FANCA: variants seen among roughly 807,000 people sequenced by gnomAD.
FANCA encodes Fanconi anemia group A protein.
FANCA carries 236 observed loss-of-function variants against 194.3 expected under a neutral mutation model. That is an observed-to-expected ratio of 1.21 (90% CI 1.09 to 1.35). The LOEUF (loss-of-function observed/expected upper bound fraction) is 1.35. Among genes scored for constraint, FANCA ranks in the 40% most tolerant of loss-of-function variants. The pLI is 0.00. For synonymous variants in FANCA, 1,014 were observed against 715.8 expected (o/e 1.42, Z -6.65); for missense variants, 2,628 against 1,813.9 (o/e 1.45, Z -8.15).
chr16:89,803,757 G>C (rs1184306449), intron 7 of FANCA, among the ~76,000 whole-genome samples: 1 of 151,922 alleles, frequency 6.6e-6, no homozygotes, highest in Non-Finnish European at 1.5e-5. Context: ...CAGTAGCTGG[G>C]AATATAGGCG....
chr16:89,775,483 A>G (rs2039469264), intron 21 of FANCA, among the ~76,000 whole-genome samples: 1 of 152,222 alleles, frequency 6.6e-6, no homozygotes, highest in African/African-American at 2.4e-5. Flanking sequence ...GAAGATGACG[A>G]GTGACAAAGT....
At chr16:89,775,675 A>T in intron 21 of FANCA, 67 bp downstream of exon 21, 1 of 1,325,970 alleles carries the variant, frequency 7.5e-7, no homozygotes, top group South Asian at 1.2e-5. Flanking sequence ...GTAGCACAAC[A>T]GACACTCAAG....
intron 39 of FANCA, 70 bp from the exon 40 acceptor site, chr16:89,739,623 T>TG: frequency 6.6e-7 from 1 of 1,526,186 alleles, no homozygotes. Flanking sequence ...GGGACACCCC[T>TG]GGGGGTCGGG....
rs779745863 is a variant in FANCA, at chr16:89,779,939, G to C, written c.1645C>G (p.Gln549Glu). 5.0e-6 allele frequency: 8 copies of C among 1,614,204 alleles called. No homozygotes were observed. Among genetic ancestry groups the C allele is most frequent in the Non-Finnish European group, 6.8e-6 (8 of 1,180,042 alleles). The change falls in exon 18 of 43, where the codon CAG becomes GAG. Residue 549 changes from glutamine (Q) to glutamate (E), a missense_variant. By Grantham distance (29) the Gln-to-Glu change is conservative. Coordinates refer to ENST00000389301, the MANE Select transcript of FANCA (RefSeq NM_000135.4). Reference sequence around the variant, plus strand: ...ACCATGATGGCCTTTTCAACATCCTGAAGAGCTTGGCTGTGGGGCTGGTTC... The same window carrying C: ...ACCATGATGGCCTTTTCAACATCCTCAAGAGCTTGGCTGTGGGGCTGGTTC... Reference protein sequence around the residue: ...DITEPHSQALQDVEKAIMVFE... With the variant: ...DITEPHSQALEDVEKAIMVFE...
intron 6 of FANCA, among the ~76,000 whole-genome samples, chr16:89,807,442 GT>G (rs1193758392): frequency 6.6e-6 from 1 of 150,450 alleles, no homozygotes; most frequent in African/African-American, 2.4e-5. Context: ...GACATAGCAG[GT>G]CTCTGTCTCA....
At chr16:89,763,036 A>T (rs1363404287) in intron 28 of FANCA, among the ~76,000 whole-genome samples, 1 of 151,148 alleles carries the variant, frequency 6.6e-6, no homozygotes, top group Non-Finnish European at 1.5e-5. Flanking sequence ...TGATGAGGTC[A>T]GGAGATTGAG....
chr16:89,746,007 C>G (rs2143099493), intron 35 of FANCA, among the ~76,000 whole-genome samples: 1 of 152,288 alleles, frequency 6.6e-6, no homozygotes. Flanking sequence ...GCCCTCCTGT[C>G]CCTGATGACC....
At position 89,792,539 on chromosome 16, in the gene FANCA, C is replaced by T; in HGVS notation, c.1015G>A (p.Ala339Thr). The T allele has an allele frequency of 2.5e-6, 4 of 1,612,930 alleles. No individual in the cohort carries two copies. The highest frequency in any genetic ancestry group is 3.4e-6 in the Non-Finnish European group (4 of 1,179,776). The change falls in exon 12 of 43, where the codon GCT becomes ACT. Residue 339 changes from alanine to threonine, a missense_variant. By Grantham distance (58) the Ala-to-Thr change is moderately conservative. Coordinates refer to ENST00000389301, the MANE Select transcript of FANCA (RefSeq NM_000135.4). Reference sequence around the variant, plus strand: ...CTCCACTCTCTCTGCATCTGAACAGCATCAGATGCTGCAGGGGGAGAAACA... The same window carrying T: ...CTCCACTCTCTCTGCATCTGAACAGTATCAGATGCTGCAGGGGGAGAAACA... ...THSPVLKASD[A>T]VQMQREWSFA...
At position 89,809,008 on chromosome 16, in the gene FANCA, C is replaced by G. The variant is rs1327053641; in HGVS notation, c.523-641G>C. On this transcript the variant is annotated intron_variant, in intron 5 of 42. Coordinates refer to ENST00000389301, the MANE Select transcript of FANCA (RefSeq NM_000135.4). ...GTAAGCTCTGCCTCCCGGGTTCACG[C>G]CATTCTCCTGCCTCAGCCTCCTGAG... Among the ~76,000 whole-genome samples the G allele has an allele frequency of 2.0e-5, 3 of 152,096 alleles. No individual in the cohort carries two copies. In the East Asian group the frequency reaches 5.8e-4, roughly 30 times the overall value.
chr16:89,745,971 G>A (rs1170386485), intron 35 of FANCA, among the ~76,000 whole-genome samples: 1 of 152,186 alleles, frequency 6.6e-6, no homozygotes, highest in Non-Finnish European at 1.5e-5. Context: ...GCTCCCTGGG[G>A]AACATGCCGT....
At chr16:89,768,420 C>G (rs919707223) in intron 26 of FANCA, among the ~76,000 whole-genome samples, 2 of 152,172 alleles carry the variant, frequency 1.3e-5, no homozygotes, top group African/African-American at 4.8e-5. Flanking sequence ...GTAATCCTAA[C>G]TGAAGTGGGC....
chr16:89,795,370 T>C (rs775681566), intron 11 of FANCA, among the ~76,000 whole-genome samples: 1 of 152,004 alleles, frequency 6.6e-6, no homozygotes, highest in Non-Finnish European at 1.5e-5. Context: ...GGCTCACACC[T>C]GTAATCCCAA....
intron 2 of FANCA, among the ~76,000 whole-genome samples, chr16:89,815,583 T>TA (rs1167662847): frequency 6.6e-6 from 1 of 152,140 alleles, no homozygotes; most frequent in Non-Finnish European, 1.5e-5. Context: ...CTCGAACTCC[T>TA]GACCCTGAGT....
Position 89,739,182 on chromosome 16 carries a change from G to C in FANCA, c.4118C>G (p.Thr1373Arg), listed in dbSNP as rs1277481284. The change falls in exon 41 of 43, where the codon ACA becomes AGA. Residue 1373 changes from threonine to arginine, a missense_variant. Coordinates refer to ENST00000389301, the MANE Select transcript of FANCA (RefSeq NM_000135.4). ...GCCAGCTGGAGGTGAAACTGTGCTTGTATCCCCAGCCACGAAGAGCTGGAC... is the reference window on the plus strand; with the variant it reads ...GCCAGCTGGAGGTGAAACTGTGCTTCTATCCCCAGCCACGAAGAGCTGGAC... ...KLVQLFVAGD[T>R]STVSPPAGRS... is the part of the protein sequence containing the mutation. 6.2e-7 allele frequency: 1 copy of C among 1,614,146 alleles called. No individual in the cohort carries two copies. The highest frequency in any genetic ancestry group is 2.2e-5 in the East Asian group (1 of 44,892).
At chr16:89,778,518 C>G in intron 20 of FANCA, 1 of 388,936 alleles carries the variant, frequency 2.6e-6, no homozygotes, top group South Asian at 2.4e-5. Flanking sequence ...ATCCCAGCTA[C>G]TCAGGAGGCT....
intron 18 of FANCA, among the ~76,000 whole-genome samples, chr16:89,779,301 T>A (rs922075383): frequency 6.6e-6 from 1 of 152,148 alleles, no homozygotes; most frequent in Admixed American, 6.5e-5. Flanking sequence ...GGCAATTTCC[T>A]TGGAGCTAAA....
chr16:89,771,508 C>A (rs1248083100), intron 23 of FANCA, among the ~76,000 whole-genome samples, 170 bp downstream of exon 23: 1 of 152,114 alleles, frequency 6.6e-6, no homozygotes, highest in African/African-American at 2.4e-5. Flanking sequence ...CATACACAAA[C>A]AGACTGTGGC....
chr16:89,816,568 C>T lies in FANCA; in HGVS notation c.48G>A (p.Gly16=), dbSNP rs2143731322. The T allele has an allele frequency of 6.6e-7, 1 of 1,516,290 alleles. No homozygotes were observed. Among genetic ancestry groups the T allele is most frequent in the Admixed American group, 2.0e-5 (1 of 49,690 alleles). The allele number at this position is 1,516,290 out of a possible 1,614,324, so 93.9% of individuals were successfully genotyped here. The part of the protein sequence containing the change: ...VPNSASGQDP[G]GRRRAWAELL... ...GCTCGGCCCAGGCCCTCCGGCGGCC[C>T]CCTGGGTCCTGGCCCGAGGCGGAGT... The change falls in exon 1 of 43, where the codon GGG becomes GGA. Residue 16 remains glycine, a synonymous_variant. Coordinates refer to ENST00000389301, the MANE Select transcript of FANCA (RefSeq NM_000135.4).
intron 35 of FANCA, among the ~76,000 whole-genome samples, chr16:89,745,312 C>T (rs1204911517): frequency 2.0e-5 from 3 of 152,336 alleles, no homozygotes; most frequent in East Asian, 1.9e-4. Flanking sequence ...CCTGGCCTAA[C>T]GCAACAGTGA....
Sources: allele counts gnomAD v4.1 joint callset (sites outside exome capture counted in the v4.1 genomes callset), GRCh38; gene constraint gnomAD v4.1.1; transcripts MANE v1.5; gene names NCBI Gene and HGNC (gene_info 2026-07-23, HGNC 2026-07-21).